The following ZDHHC2 variants were observed in gnomAD, a reference collection of about 807,000 sequenced individuals.
ZDHHC2 encodes zDHHC palmitoyltransferase 2.
Under a neutral mutation model 55.6 loss-of-function variants are expected in ZDHHC2, and 51 were observed. That is an observed-to-expected ratio of 0.92 (90% confidence interval 0.73 to 1.16). The LOEUF is 1.16. Ranked by LOEUF, ZDHHC2 falls within the 50% of genes most tolerant of loss-of-function variation. The pLI, the probability that ZDHHC2 is intolerant of heterozygous loss-of-function variation, is 0.00. For missense variants in ZDHHC2, 491 were observed against 442.4 expected, an observed-to-expected ratio of 1.11 and a Z score of -0.99; for synonymous variants, 199 against 152.9, an observed-to-expected ratio of 1.30 and a Z score of -2.22.
At chr8:17,167,907 G>A (rs1212835153) in intron 1 of ZDHHC2, among the ~76,000 whole-genome samples, 1 of 152,060 alleles carries the variant, frequency 6.6e-6, no homozygotes, top group Non-Finnish European at 1.5e-5. Flanking sequence ...AGAGATAACT[G>A]TAGTCCGTTT....
At chr8:17,201,651 C>G (rs577491681) in intron 6 of ZDHHC2, among the ~76,000 whole-genome samples, 2 of 132,288 alleles carry the variant, frequency 1.5e-5, no homozygotes, top group South Asian at 5.7e-4. Context: ...CACCACTACG[C>G]CTCACGGTTT....
chr8:17,189,294 C>T (rs371960575), intron 3 of ZDHHC2, among the ~76,000 whole-genome samples: 1 of 152,140 alleles, frequency 6.6e-6, no homozygotes. Flanking sequence ...AGCAACCCCA[C>T]TACCCTCGGC....
intron 11 of ZDHHC2, among the ~76,000 whole-genome samples, chr8:17,215,944 A>G (rs1484186037): frequency 6.6e-6 from 1 of 152,214 alleles, no homozygotes; most frequent in African/African-American, 2.4e-5. Flanking sequence ...TTGGGCTCCT[A>G]GTAGGGTGTG....
At chr8:17,189,994 C>T (rs1585689872) in intron 3 of ZDHHC2, among the ~76,000 whole-genome samples, 1 of 152,192 alleles carries the variant, frequency 6.6e-6, no homozygotes, top group Admixed American at 6.5e-5. Context: ...CTTTTCACTA[C>T]ACCATGCTCT....
At position 17,223,477 on chromosome 8, in the gene ZDHHC2, A is replaced by G. The variant is rs183968028; in HGVS notation, c.*3256A>G. The stretch of plus-strand genomic sequence containing the variant: ...ACGTGTTCTTCTAAAGCAGAAAACC[A>G]CGTGGCTTAATCCCAAATGTTTTAC... On this transcript the variant is annotated 3_prime_UTR_variant, in exon 13 of 13. Coordinates refer to ENST00000262096, the MANE Select transcript of ZDHHC2 (RefSeq NM_016353.5). 4 of 151,988 alleles carry G rather than the reference A, an allele frequency of 2.6e-5. No individual in the cohort carries two copies. The East Asian group carries it at 7.7e-4, about 29-fold the overall frequency. The allele number at this position is 151,988 out of a possible 1,614,324, so 9.4% of individuals were successfully genotyped here.
chr8:17,167,773 C>G lies in ZDHHC2; in HGVS notation c.130+10920C>G, dbSNP rs1319323384. Among the ~76,000 whole-genome samples the G allele has an allele frequency of 4.6e-5, 7 of 151,908 alleles. No individual in the cohort carries two copies. The East Asian group carries it at 1.4e-3, about 29-fold the overall frequency. The stretch of plus-strand genomic sequence containing the variant: ...TAGAGTAAGTAATATCCTCATATAT[C>G]TATAATAAAAATAATAAATAAGAAC... On this transcript the variant is annotated intron_variant, in intron 1 of 12. Coordinates refer to ENST00000262096, the MANE Select transcript of ZDHHC2 (RefSeq NM_016353.5).
chr8:17,198,706 C>T (rs541750150), intron 6 of ZDHHC2, among the ~76,000 whole-genome samples: 2 of 152,242 alleles, frequency 1.3e-5, no homozygotes, highest in South Asian at 4.1e-4. Flanking sequence ...TTCCAGAATA[C>T]TTCACAGAAA....
rs759917421 is a variant in ZDHHC2 at position 17,156,813 on chromosome 8, C to T, written c.90C>T (p.Leu30=). Reference sequence around the variant, plus strand: ...CGGTGGTGTTCATCACCCTCCTGCTCGGCTGGTCCTACTACGCCTACGCCA... The same window carrying T: ...CGGTGGTGTTCATCACCCTCCTGCTTGGCTGGTCCTACTACGCCTACGCCA... The part of the protein sequence containing the change: ...WIPVVFITLL[L]GWSYYAYAIQ... Residue 30 remains leucine, a synonymous_variant, in exon 1 of 13, where the codon CTC becomes CTT. Coordinates refer to ENST00000262096, the MANE Select transcript of ZDHHC2 (RefSeq NM_016353.5). The T allele has an allele frequency of 3.3e-6, 5 of 1,521,684 alleles. No individual in the cohort carries two copies. Among genetic ancestry groups the T allele is most frequent in the Middle Eastern group, 3.4e-4 (2 of 5,888 alleles). The allele number at this position is 1,521,684 out of a possible 1,614,324, so 94.3% of individuals were successfully genotyped here.
chr8:17,188,032 T>A (rs1249039676), intron 3 of ZDHHC2, among the ~76,000 whole-genome samples: 1 of 152,236 alleles, frequency 6.6e-6, no homozygotes, highest in Non-Finnish European at 1.5e-5. Flanking sequence ...TCCTGGTAAT[T>A]TGGTTATTTT....
intron 6 of ZDHHC2, among the ~76,000 whole-genome samples, chr8:17,201,978 T>C (rs1806805050): frequency 1.3e-5 from 2 of 152,198 alleles, no homozygotes; most frequent in South Asian, 4.1e-4. Context: ...ACTTGTGTTT[T>C]AACTAAAACA....
chr8:17,161,940 A>G (rs528659677), intron 1 of ZDHHC2, among the ~76,000 whole-genome samples: 4 of 152,352 alleles, frequency 2.6e-5, no homozygotes, highest in African/African-American at 9.6e-5. Flanking sequence ...TTTTCTTGAT[A>G]TTGTTGAATA....
In ZDHHC2 at chr8:17,182,667, A is replaced by AATG. The variant is rs1407698934; in HGVS notation, c.131-2120_131-2119insGAT. Among the ~76,000 whole-genome samples, 3 of 150,876 alleles carry AATG rather than the reference A, an allele frequency of 2.0e-5. No individual in the cohort carries two copies. In the East Asian group the frequency reaches 5.9e-4, roughly 30 times the overall value. ...GAATGGCAATAATAATAATAATAAT[A>AATG]ATAGCTTTAAAAACAAAGTCTTTGA... On this transcript the variant is annotated intron_variant, in intron 1 of 12. Transcript: ENST00000262096.
chr8:17,208,471 A>T lies in ZDHHC2; in HGVS notation c.730+379A>T, dbSNP rs112125064. Among the ~76,000 whole-genome samples the T allele has an allele frequency of 5.1e-4, 78 of 152,086 alleles. 1 individual carries two copies. The highest frequency in any genetic ancestry group is 1.9e-3 in the African/African-American group (77 of 41,494). The stretch of plus-strand genomic sequence containing the variant: ...AAAGCTAAAGATTGAGAAATACATT[A>T]ATGAGGTTGGAGAGGTAAGCAAGGA... On this transcript the variant is annotated intron_variant, in intron 8 of 12. Coordinates refer to ENST00000262096, the MANE Select transcript of ZDHHC2 (RefSeq NM_016353.5).
intron 1 of ZDHHC2, among the ~76,000 whole-genome samples, chr8:17,177,981 C>G (rs1805232900): frequency 6.6e-6 from 1 of 152,142 alleles, no homozygotes; most frequent in Admixed American, 6.5e-5. Flanking sequence ...CAGCAATATA[C>G]ATTTGCAATA....
chr8:17,158,436 A>G (rs568852589), intron 1 of ZDHHC2, among the ~76,000 whole-genome samples: 38 of 152,330 alleles, frequency 2.5e-4, no homozygotes, highest in African/African-American at 9.1e-4. Context: ...TAAGACGCTT[A>G]TCTTGGTACA....
At chr8:17,177,126 C>A (rs1032224061) in intron 1 of ZDHHC2, among the ~76,000 whole-genome samples, 1 of 152,122 alleles carries the variant, frequency 6.6e-6, no homozygotes, top group Non-Finnish European at 1.5e-5. Context: ...TCAAAGAATT[C>A]TCTATGAATT....
At position 17,186,312 on chromosome 8, in the gene ZDHHC2, T is replaced by C. The variant is rs1805706409; in HGVS notation, c.158-19T>C. Reference sequence around the variant, plus strand: ...TGTATTTGCATATTATAATGATAATTATGTTTTTCTCATTTTAGTTGTGTG... The same window carrying C: ...TGTATTTGCATATTATAATGATAATCATGTTTTTCTCATTTTAGTTGTGTG... On this transcript the variant is annotated intron_variant, in intron 2 of 12. Coordinates refer to ENST00000262096, the MANE Select transcript of ZDHHC2 (RefSeq NM_016353.5). The C allele has an allele frequency of 1.1e-5, 17 of 1,503,746 alleles. No individual in the cohort carries two copies. The highest frequency in any genetic ancestry group is 1.4e-5 in the Non-Finnish European group (15 of 1,097,048). The allele number at this position is 1,503,746 out of a possible 1,614,324, so 93.2% of individuals were successfully genotyped here.
intron 2 of ZDHHC2, among the ~76,000 whole-genome samples, chr8:17,185,079 C>G (rs1805641906): frequency 6.6e-6 from 1 of 152,120 alleles, no homozygotes; most frequent in African/African-American, 2.4e-5. Context: ...TTTCCTAATT[C>G]AGATTATGAA....
chr8:17,184,904 G>C, intron 2 of ZDHHC2, 89 bp downstream of exon 2: 4 of 1,241,698 alleles, frequency 3.2e-6, no homozygotes, highest in Non-Finnish European at 3.3e-6. Flanking sequence ...TTAATAAATT[G>C]TTGTTTGAGA....
Sources: gnomAD v4.1 joint callset for allele counts (sites outside exome capture counted in the v4.1 genomes callset) on GRCh38, gnomAD v4.1.1 for gene constraint, MANE v1.5 for transcripts, NCBI Gene and HGNC (gene_info 2026-07-23, HGNC 2026-07-21) for gene names.